CARMIL1: variants seen among roughly 807,000 people sequenced by gnomAD.
CARMIL1 encodes the protein capping protein regulator and myosin 1 linker 1.
A neutral mutation model predicts 177.1 loss-of-function variants in CARMIL1; 90 were observed. The observed-to-expected ratio is 0.51, with a 90% CI of 0.43 to 0.61. The LOEUF (loss-of-function observed/expected upper bound fraction) is 0.61, where lower values mean the gene tolerates loss of function less well. Ranked by LOEUF, CARMIL1 falls within the 20% of genes least tolerant of loss-of-function variation. The pLI, the probability that CARMIL1 is intolerant of heterozygous loss-of-function variation, is 0.00. For missense variants in CARMIL1, 1,380 were observed against 1,667.0 expected (o/e 0.83, Z 3.00); for synonymous variants, 577 against 606.2 (o/e 0.95, Z 0.71).
At chr6:25,433,389 G>T (rs1796975347) in intron 4 of CARMIL1, among the ~76,000 whole-genome samples, 1 of 152,240 alleles carries the variant, frequency 6.6e-6, no homozygotes, top group Non-Finnish European at 1.5e-5. Flanking sequence ...TGGGAAGGTT[G>T]GGAGTAGGGT....
chr6:25,490,750 T>TAAAA (rs377733924), intron 13 of CARMIL1, among the ~76,000 whole-genome samples: 2 of 50,856 alleles, frequency 3.9e-5, no homozygotes, highest in Admixed American at 1.8e-4. Flanking sequence ...AATAAATAAA[T>TAAAA]AAAAAAAAAT....
chr6:25,348,282 G>A (rs997354087), intron 2 of CARMIL1, among the ~76,000 whole-genome samples: 2 of 151,764 alleles, frequency 1.3e-5, no homozygotes, highest in Admixed American at 6.6e-5. Flanking sequence ...ACAGGCATGC[G>A]CCACCACAGC....
rs1581572016 is a variant in CARMIL1 at position 25,326,069 on chromosome 6, C to T, written c.138+41160C>T. 6.6e-6 allele frequency among the ~76,000 whole-genome samples: 1 copy of T among 152,090 alleles called. No homozygotes were observed. Among genetic ancestry groups the T allele is most frequent in the Admixed American group, 6.6e-5 (1 of 15,252 alleles). On this transcript the variant is annotated intron_variant, in intron 2 of 36. Transcript: ENST00000329474. This position sits in a 1 kb window ranked among gnomAD's most constrained non-coding sequence, Gnocchi z 4.2. ...TATTTTAGTAGAGACGGAGTTTCAC[C>T]GTGTTGGCCAGGATGGTGTCGATTT...
intron 1 of CARMIL1, among the ~76,000 whole-genome samples, chr6:25,282,743 T>G (rs942105892): frequency 5.9e-5 from 9 of 152,186 alleles, no homozygotes; most frequent in African/African-American, 1.9e-4. Context: ...AGTGATCTTA[T>G]TTCCTATGCC....
At chr6:25,497,920 C>G (rs1428009206) in intron 16 of CARMIL1, among the ~76,000 whole-genome samples, 1 of 152,024 alleles carries the variant, frequency 6.6e-6, no homozygotes, top group Non-Finnish European at 1.5e-5. Context: ...CTTTTTTGGT[C>G]CATGTTAATG....
At chr6:25,444,983 CCCA>C (rs1477765372) in intron 5 of CARMIL1, among the ~76,000 whole-genome samples, 2 of 152,188 alleles carry the variant, frequency 1.3e-5, no homozygotes, top group Non-Finnish European at 2.9e-5. Flanking sequence ...ACTTTACACT[CCCA>C]CCAACAGTGT....
chr6:25,571,964 C>G (rs564327316), intron 29 of CARMIL1, among the ~76,000 whole-genome samples: 1 of 151,950 alleles, frequency 6.6e-6, no homozygotes, highest in African/African-American at 2.4e-5. Context: ...ATTAAGATCC[C>G]GAAAGGGGAG....
intron 5 of CARMIL1, among the ~76,000 whole-genome samples, chr6:25,437,443 C>T (rs1797330729): frequency 1.3e-5 from 2 of 152,174 alleles, no homozygotes. Context: ...TCACTTATAG[C>T]TTCCATTTAA....
chr6:25,479,488 G>T (rs139816098), intron 11 of CARMIL1, among the ~76,000 whole-genome samples: 1 of 152,012 alleles, frequency 6.6e-6, no homozygotes, highest in Non-Finnish European at 1.5e-5. Flanking sequence ...ATAATTCAAC[G>T]CCTGTAAGAT....
chr6:25,333,976 T>G (rs569987081), intron 2 of CARMIL1, among the ~76,000 whole-genome samples: 2 of 152,380 alleles, frequency 1.3e-5, no homozygotes, highest in South Asian at 2.1e-4. Context: ...GATCCTAGAA[T>G]GTACTTTCCC....
intron 29 of CARMIL1, among the ~76,000 whole-genome samples, chr6:25,578,074 C>T (rs1812765017): frequency 6.6e-6 from 1 of 152,122 alleles, no homozygotes; most frequent in African/African-American, 2.4e-5. Flanking sequence ...CTCAAGTTGA[C>T]AGTGTTAACC....
intron 36 of CARMIL1, among the ~76,000 whole-genome samples, chr6:25,611,575 A>G (rs961199697): frequency 1.3e-5 from 2 of 152,230 alleles, no homozygotes; most frequent in African/African-American, 4.8e-5. Flanking sequence ...AATGCCTGAA[A>G]GAGTTCAGTT....
chr6:25,478,160 C>T (rs868044139), intron 11 of CARMIL1, among the ~76,000 whole-genome samples: 4 of 152,014 alleles, frequency 2.6e-5, no homozygotes, highest in Admixed American at 6.6e-5. Flanking sequence ...ACCTGAAGTA[C>T]GCTCATATTT....
chr6:25,496,675 T>G (rs532449267), intron 16 of CARMIL1, among the ~76,000 whole-genome samples: 1 of 152,352 alleles, frequency 6.6e-6, no homozygotes, highest in East Asian at 1.9e-4. Flanking sequence ...AGTTCCATTA[T>G]AATCATTCTC....
intron 12 of CARMIL1, among the ~76,000 whole-genome samples, chr6:25,484,941 T>A (rs992029892): frequency 6.6e-6 from 1 of 152,006 alleles, no homozygotes; most frequent in Non-Finnish European, 1.5e-5. Context: ...GAGGCTGAGG[T>A]GGGAGGATGC....
chr6:25,416,111 G>A (rs1426996473), intron 2 of CARMIL1, among the ~76,000 whole-genome samples: 1 of 152,110 alleles, frequency 6.6e-6, no homozygotes, highest in African/African-American at 2.4e-5. Flanking sequence ...AGATGATGGC[G>A]GTGCATAGAA....
chr6:25,619,344 C>T, intron 36 of CARMIL1, 103 bp from the exon 37 acceptor site: 4 of 1,187,412 alleles, frequency 3.4e-6, no homozygotes, highest in Non-Finnish European at 4.7e-6. Flanking sequence ...CTGGCCCCCT[C>T]CCCTCCCCCA....
At position 25,553,134 on chromosome 6, in the gene CARMIL1, G is replaced by A. The variant is rs186789602; in HGVS notation, c.2505-875G>A. Among the ~76,000 whole-genome samples, 316 of 152,196 alleles carry A rather than the reference G, an allele frequency of 2.1e-3. 1 individual carries two copies. The highest frequency in any genetic ancestry group is 7.4e-3 in the African/African-American group (308 of 41,528). On this transcript the variant is annotated intron_variant, in intron 27 of 36. Transcript: ENST00000329474. ...CAAATTATTGCCTTTAGGTTAGCAAGATTTTTTCCATGTTACATGAATATA... is the reference window on the plus strand; with the variant it reads ...CAAATTATTGCCTTTAGGTTAGCAAAATTTTTTCCATGTTACATGAATATA...
intron 2 of CARMIL1, among the ~76,000 whole-genome samples, chr6:25,319,222 C>T (rs1016050379): frequency 6.6e-6 from 1 of 152,092 alleles, no homozygotes; most frequent in African/African-American, 2.4e-5. Flanking sequence ...CAGAGAAATC[C>T]TTTGCTCTGC....
Sources: gnomAD v4.1 joint callset for allele counts (sites outside exome capture counted in the v4.1 genomes callset) on GRCh38, gnomAD v4.1.1 for gene constraint, Gnocchi (gnomAD v3.1) non-coding constraint, MANE v1.5 for transcripts, NCBI Gene and HGNC (gene_info 2026-07-23, HGNC 2026-07-21) for gene names.